Variants in XRN1 observed in about 807,000 individuals in gnomAD.
XRN1 encodes 5'-3' exoribonuclease 1.
In XRN1, 67 loss-of-function variants were observed where a neutral mutation model predicts 222.3. That is an observed-to-expected ratio of 0.30 (90% CI 0.25 to 0.37). The LOEUF (loss-of-function observed/expected upper bound fraction) is 0.37. Among genes scored for constraint, XRN1 ranks in the 10% least tolerant of loss-of-function variants. The pLI, the probability that XRN1 is intolerant of heterozygous loss-of-function variation, is 1.00. For synonymous variants in XRN1, 643 were observed against 652.4 expected (o/e 0.99, Z 0.22); for missense variants, 1,707 against 2,000.2 (o/e 0.85, Z 2.80).
At chr3:142,387,895 G>A (rs1226214218) in intron 20 of XRN1, among the ~76,000 whole-genome samples, 1 of 152,030 alleles carries the variant, frequency 6.6e-6, no homozygotes, top group Non-Finnish European at 1.5e-5. Flanking sequence ...CCCCTCTCTT[G>A]CTTCTTTTCT....
At position 142,330,956 on chromosome 3, in the gene XRN1, G is replaced by A. The variant is rs118062952; in HGVS notation, c.4223-1341C>T. Reference sequence around the variant, plus strand: ...GAAGTAGCTGGGATTACAGCTACTTGGTGGCGCCTGCCACCACACCCGGCT... The same window carrying A: ...GAAGTAGCTGGGATTACAGCTACTTAGTGGCGCCTGCCACCACACCCGGCT... On this transcript the variant is annotated intron_variant, in intron 36 of 40. Transcript: ENST00000392981. 3.2e-4 allele frequency among the ~76,000 whole-genome samples: 48 copies of A among 152,118 alleles called. 1 individual carries two copies. The East Asian group carries it at 8.3e-3, about 26-fold the overall frequency.
At position 142,400,560 on chromosome 3, in the gene XRN1, G is replaced by A. The variant is rs1468297696; in HGVS notation, c.2104-13C>T. ...CATTTTCTACGGTCTTAAAGTAAAAGCAAAAAAGTTCATTCATGATTTCAG... is the reference window on the plus strand; with the variant it reads ...CATTTTCTACGGTCTTAAAGTAAAAACAAAAAAGTTCATTCATGATTTCAG... On this transcript the variant is annotated splice_polypyrimidine_tract_variant and intron_variant, in intron 18 of 40. Coordinates refer to ENST00000392981, the MANE Select transcript of XRN1 (RefSeq NM_001282857.2). 1.9e-6 allele frequency: 3 copies of A among 1,593,316 alleles called. No individual in the cohort carries two copies. Among genetic ancestry groups the A allele is most frequent in the Admixed American group, 3.5e-5 (2 of 56,658 alleles).
At position 142,306,866 on chromosome 3, in the gene XRN1, G is replaced by C. The variant is rs2064976892; in HGVS notation, c.*4645C>G. ...AAAATTACAAAATGAGCACATAAAA[G>C]TCTTCCCTTTTGAATTTTTAATAAA... On this transcript the variant is annotated 3_prime_UTR_variant, in exon 41 of 41. Transcript: ENST00000392981. The C allele has an allele frequency of 6.6e-6, 1 of 152,576 alleles. No individual in the cohort carries two copies. Among genetic ancestry groups the C allele is most frequent in the Non-Finnish European group, 1.5e-5 (1 of 68,018 alleles). The allele number at this position is 152,576 out of a possible 1,614,324, so 9.5% of individuals were successfully genotyped here.
intron 29 of XRN1, among the ~76,000 whole-genome samples, chr3:142,360,353 T>A (rs543615905): frequency 2.6e-5 from 4 of 152,192 alleles, no homozygotes; most frequent in Non-Finnish European, 5.9e-5. Context: ...CACGTAAACA[T>A]GTGCATTCAG....
At chr3:142,364,923 C>A in intron 29 of XRN1, 124 bp downstream of exon 29, 6 of 1,009,322 alleles carry the variant, frequency 5.9e-6, no homozygotes, top group East Asian at 3.3e-5. Flanking sequence ...TTAACTAAAA[C>A]ATAAAAAGAT....
rs2068634413 is a variant in XRN1, at chr3:142,412,746, T to A, written c.1594-83A>T. The A allele has an allele frequency of 3.5e-6, 4 of 1,139,658 alleles. No individual in the cohort carries two copies. In the South Asian group the frequency reaches 8.5e-5, roughly 24 times the overall value. 70.6% of individuals were successfully genotyped at this position (1,139,658 alleles called of 1,614,324 possible). A position where few individuals can be genotyped will look rare whatever the true frequency, so the allele number is the denominator to read the frequency against. On this transcript the variant is annotated intron_variant, in intron 14 of 40. Transcript: ENST00000392981. ...TTGTTAATGTATTTATAATATTTCC[T>A]CATGTTAGTTTAAAATTTCTAAGCA... is the stretch of plus-strand genomic sequence containing the variant.
intron 1 of XRN1, among the ~76,000 whole-genome samples, chr3:142,434,770 C>T (rs908920694): frequency 2.6e-5 from 4 of 151,706 alleles, no homozygotes; most frequent in South Asian, 4.2e-4. Flanking sequence ...ATAAAACAAA[C>T]AAACAAAAAG....
chr3:142,344,646 T>C (rs977890355), intron 33 of XRN1, among the ~76,000 whole-genome samples: 8 of 151,922 alleles, frequency 5.3e-5, no homozygotes, highest in African/African-American at 1.2e-4. Context: ...CCCAGTTCCA[T>C]TGAAAAAAGC....
At chr3:142,384,454 T>G (rs1399631770) in intron 21 of XRN1, 69 bp downstream of exon 21, 34 of 1,252,320 alleles carry the variant, frequency 2.7e-5, no homozygotes, top group Non-Finnish European at 3.4e-5. Context: ...AACATATCTT[T>G]TCATTATACA....
At chr3:142,444,364 T>G (rs568535984) in intron 1 of XRN1, among the ~76,000 whole-genome samples, 1 of 152,076 alleles carries the variant, frequency 6.6e-6, no homozygotes. Flanking sequence ...TCCAAGGACT[T>G]TGGGAGGCTG....
chr3:142,414,063 T>C (rs2108073579), intron 14 of XRN1, 72 bp downstream of exon 14: 6 of 1,386,332 alleles, frequency 4.3e-6, no homozygotes, highest in East Asian at 2.5e-5. Flanking sequence ...TTGAGTATTA[T>C]TGTTTCTAGG....
chr3:142,430,212 T>C (rs1489954563), intron 2 of XRN1, among the ~76,000 whole-genome samples: 1 of 152,204 alleles, frequency 6.6e-6, no homozygotes, highest in African/African-American at 2.4e-5. Context: ...ACGGCTCACC[T>C]AGATTCCCGC....
intron 20 of XRN1, among the ~76,000 whole-genome samples, chr3:142,396,069 A>G (rs2067917160): frequency 6.6e-6 from 1 of 152,206 alleles, no homozygotes; most frequent in Non-Finnish European, 1.5e-5. Flanking sequence ...AGCAGCTGTA[A>G]ATATCATAAG....
chr3:142,380,512 T>C (rs1397590118), intron 22 of XRN1, among the ~76,000 whole-genome samples: 5 of 152,150 alleles, frequency 3.3e-5, no homozygotes, highest in Admixed American at 1.3e-4. Flanking sequence ...GGTATGGCCG[T>C]AGACAGGATC....
intron 1 of XRN1, among the ~76,000 whole-genome samples, chr3:142,445,127 T>TGC: frequency 6.6e-6 from 1 of 152,330 alleles, no homozygotes; most frequent in South Asian, 2.1e-4. Flanking sequence ...AATTTCATCT[T>TGC]TCCACTGCCG....
rs2066480471 is a variant in XRN1, at chr3:142,356,893, TAAAG to T, written c.3672+15_3672+18del. 5 of 1,606,932 alleles carry T rather than the reference TAAAG, an allele frequency of 3.1e-6. No homozygotes were observed. Among genetic ancestry groups the T allele is most frequent in the Non-Finnish European group, 4.3e-6 (5 of 1,173,958 alleles). Reference sequence around the variant, plus strand: ...TTTGTAAAAGGGGTAGAGGAGAAGTTAAAGACTGAGAGTCTTACTTGAGTAGGAA... The same window carrying T: ...TTTGTAAAAGGGGTAGAGGAGAAGTTACTGAGAGTCTTACTTGAGTAGGAA... On this transcript the variant is annotated intron_variant, in intron 31 of 40. Coordinates refer to ENST00000392981, the MANE Select transcript of XRN1 (RefSeq NM_001282857.2).
intron 33 of XRN1, among the ~76,000 whole-genome samples, chr3:142,337,793 G>T (rs1270354597): frequency 6.6e-6 from 1 of 152,192 alleles, no homozygotes; most frequent in Non-Finnish European, 1.5e-5. Context: ...ATCTCAAGTT[G>T]TTAGGGAAGG....
chr3:142,422,887 A>G lies in XRN1; in HGVS notation c.746T>C (p.Leu249Pro). 6.2e-7 allele frequency: 1 copy of G among 1,612,580 alleles called. No homozygotes were observed. The highest frequency in any genetic ancestry group is 8.5e-7 in the Non-Finnish European group (1 of 1,178,958). Reference protein sequence around the residue: ...CAPEETTFHLLHLSLMREYID... With the variant: ...CAPEETTFHLPHLSLMREYID... ...ATACTCTCTCATTAAAGACAAGTGT[A>G]GAAGGTGAAATGTAGTTTCTTCTGG... The change falls in exon 7 of 41, where the codon CTA (leucine) becomes CCA (proline). Residue 249 changes from leucine (L) to proline (P), a missense_variant. Leu to Pro is a moderately conservative substitution (Grantham distance 98). Transcript: ENST00000392981.
At chr3:142,371,202 G>A (rs2066981626) in intron 26 of XRN1, 37 bp downstream of exon 26, 1 of 1,444,900 alleles carries the variant, frequency 6.9e-7, no homozygotes, top group East Asian at 2.3e-5. Flanking sequence ...ACACTGAATT[G>A]AACTATGAGG....
Sources: gnomAD v4.1 joint callset for allele counts (sites outside exome capture counted in the v4.1 genomes callset) on GRCh38, gnomAD v4.1.1 for gene constraint, MANE v1.5 for transcripts, NCBI Gene and HGNC (gene_info 2026-07-23, HGNC 2026-07-21) for gene names.